THSD7B: variants seen among roughly 807,000 people sequenced by gnomAD.
THSD7B encodes thrombospondin type-1 domain-containing protein 7B.
In THSD7B, 138 loss-of-function variants were observed where a neutral mutation model predicts 213.6. The observed-to-expected ratio is 0.65, with a 90% CI of 0.56 to 0.74. THSD7B has a LOEUF of 0.74. Ranked by LOEUF, THSD7B falls within the 30% of genes least tolerant of loss-of-function variation. The pLI, the probability that THSD7B is intolerant of heterozygous loss-of-function variation, is 0.00. For synonymous variants in THSD7B, 742 were observed against 687.0 expected (o/e 1.08, Z -1.25); for missense variants, 1,931 against 1,991.5 (o/e 0.97, Z 0.58).
At chr2:136,883,522 G>A (rs1312154373) in intron 2 of THSD7B, among the ~76,000 whole-genome samples, 1 of 151,898 alleles carries the variant, frequency 6.6e-6, no homozygotes, top group Non-Finnish European at 1.5e-5. Flanking sequence ...TTTCCTTTCT[G>A]GGAATGGGGT....
chr2:136,838,075 T>A (rs947225404), intron 1 of THSD7B, among the ~76,000 whole-genome samples: 2 of 152,258 alleles, frequency 1.3e-5, no homozygotes, highest in African/African-American at 4.8e-5. Context: ...ATCATACATG[T>A]AGAGCTCTTG....
chr2:137,458,328 T>C lies in THSD7B; in HGVS notation c.3138+7305T>C, dbSNP rs142847163. 4.6e-5 allele frequency among the ~76,000 whole-genome samples: 7 copies of C among 152,304 alleles called. No homozygotes were observed. The East Asian group carries it at 1.4e-3, about 29-fold the overall frequency. On this transcript the variant is annotated intron_variant, in intron 15 of 27. Transcript: ENST00000409968. ...CTTGAGCATTCCAAAAAACTATTTTTATGAACTCTGCTTTTGACTGGTCTG... is the reference window on the plus strand; with the variant it reads ...CTTGAGCATTCCAAAAAACTATTTTCATGAACTCTGCTTTTGACTGGTCTG...
intron 2 of THSD7B, among the ~76,000 whole-genome samples, chr2:137,044,944 A>G (rs1157737361): frequency 1.3e-5 from 2 of 152,156 alleles, no homozygotes; most frequent in Admixed American, 1.3e-4. Context: ...AGTCTTCCTT[A>G]TGGGCTTAAT....
intron 17 of THSD7B, among the ~76,000 whole-genome samples, chr2:137,584,957 G>T (rs7368923): frequency 5.9e-5 from 9 of 151,892 alleles, no homozygotes; most frequent in African/African-American, 9.7e-5. Flanking sequence ...CTGTGAATCC[G>T]TCTGGTCCTG....
intron 2 of THSD7B, among the ~76,000 whole-genome samples, chr2:136,965,429 G>A (rs1403558035): frequency 1.3e-5 from 2 of 152,308 alleles, no homozygotes; most frequent in East Asian, 1.9e-4. Flanking sequence ...AAGTCCTCAC[G>A]AAGAAAATGG....
intron 17 of THSD7B, among the ~76,000 whole-genome samples, chr2:137,611,953 A>G (rs760695083): frequency 5.3e-5 from 8 of 152,188 alleles, no homozygotes; most frequent in Non-Finnish European, 1.2e-4. Context: ...CTTGCATTTA[A>G]TGTATTTTCA....
intron 27 of THSD7B, among the ~76,000 whole-genome samples, chr2:137,670,718 G>A (rs891786476): frequency 1.3e-5 from 2 of 151,924 alleles, no homozygotes; most frequent in African/African-American, 2.4e-5. Flanking sequence ...TCAGGAGATC[G>A]AGACCATCCT....
chr2:137,337,364 C>T (rs192327031), intron 12 of THSD7B, among the ~76,000 whole-genome samples: 201 of 152,138 alleles, frequency 1.3e-3, no homozygotes, highest in African/African-American at 4.5e-3. Context: ...TTTCACAGCA[C>T]GTTTCTCAGT....
chr2:137,056,779 C>T lies in THSD7B; in HGVS notation c.499C>T (p.Pro167Ser). The T allele has an allele frequency of 4.3e-6, 7 of 1,613,956 alleles. No individual in the cohort carries two copies. In the South Asian group the frequency reaches 6.6e-5, roughly 15 times the overall value. The stretch of plus-strand genomic sequence containing the variant: ...ATGCGAACACTTTGCCCTTCAGCCT[C>T]CTACAGAACAGGCTTGCCTCATTCC... ...EICEHFALQP[P>S]TEQACLIPCP... Residue 167 changes from proline to serine, a missense_variant, in exon 3 of 28, where the codon CCT becomes TCT. By Grantham distance (74) the Pro-to-Ser change is moderately conservative. Coordinates refer to ENST00000409968, the MANE Select transcript of THSD7B (RefSeq NM_001316349.2).
intron 2 of THSD7B, among the ~76,000 whole-genome samples, chr2:136,933,953 A>G (rs1684676547): frequency 6.6e-6 from 1 of 152,200 alleles, no homozygotes; most frequent in Non-Finnish European, 1.5e-5. Flanking sequence ...TGAGGTTCCC[A>G]AGCTAGAAGT....
intron 1 of THSD7B, among the ~76,000 whole-genome samples, chr2:136,871,250 T>G (rs1373073292): frequency 6.6e-6 from 1 of 152,012 alleles, no homozygotes; most frequent in Admixed American, 6.6e-5. Flanking sequence ...CGAAGTCAGG[T>G]TGAAGATAGG....
At chr2:137,237,793 A>C (rs772675107) in intron 9 of THSD7B, among the ~76,000 whole-genome samples, 2 of 152,258 alleles carry the variant, frequency 1.3e-5, no homozygotes, top group Non-Finnish European at 2.9e-5. Context: ...CAATGTGTAG[A>C]TAAAGAGGAA....
Position 137,230,386 on chromosome 2 carries a change from T to C in THSD7B, c.1724-658T>C, listed in dbSNP as rs185361274. Among the ~76,000 whole-genome samples the C allele has an allele frequency of 1.2e-3, 184 of 152,312 alleles. 1 individual carries two copies. The highest frequency in any genetic ancestry group is 4.2e-3 in the African/African-American group (174 of 41,556). ...CTTGACATCTGGTGTGTTTGTGCCA[T>C]ATTTTTGAGTACAGTTATTTTTTGG... On this transcript the variant is annotated intron_variant, in intron 7 of 27. Coordinates refer to ENST00000409968, the MANE Select transcript of THSD7B (RefSeq NM_001316349.2).
chr2:137,369,714 A>G (rs1355132791), intron 12 of THSD7B, among the ~76,000 whole-genome samples: 3 of 152,016 alleles, frequency 2.0e-5, no homozygotes, highest in Non-Finnish European at 4.4e-5. Flanking sequence ...TAACCATTGT[A>G]TTTCATCCTC....
intron 10 of THSD7B, among the ~76,000 whole-genome samples, chr2:137,260,839 A>T (rs1573917918): frequency 6.6e-6 from 1 of 152,316 alleles, no homozygotes; most frequent in Admixed American, 6.5e-5. Flanking sequence ...TTGGAAGCTA[A>T]TGTCTCCATC....
At chr2:137,480,125 C>T (rs1688273582) in intron 15 of THSD7B, among the ~76,000 whole-genome samples, 1 of 152,140 alleles carries the variant, frequency 6.6e-6, no homozygotes, top group African/African-American at 2.4e-5. Flanking sequence ...TCATTTCTCT[C>T]TTGAATCCCT....
intron 13 of THSD7B, among the ~76,000 whole-genome samples, chr2:137,408,139 A>C (rs1038942648): frequency 6.6e-6 from 1 of 152,070 alleles, no homozygotes; most frequent in African/African-American, 2.4e-5. Flanking sequence ...CCATTTCTGC[A>C]TTAACTTGCT....
intron 2 of THSD7B, among the ~76,000 whole-genome samples, chr2:136,960,786 C>G (rs903137111): frequency 2.6e-5 from 4 of 151,956 alleles, no homozygotes; most frequent in Non-Finnish European, 5.9e-5. Context: ...AAAACAATGA[C>G]ATGTTTGAAA....
At chr2:136,965,793 T>C (rs1558869938) in intron 2 of THSD7B, among the ~76,000 whole-genome samples, 1 of 152,176 alleles carries the variant, frequency 6.6e-6, no homozygotes, top group Admixed American at 6.5e-5. Context: ...AAACTTTCCC[T>C]TTAGGTTTTT....
Sources: gnomAD v4.1 joint callset for allele counts (sites outside exome capture counted in the v4.1 genomes callset) on GRCh38, gnomAD v4.1.1 for gene constraint, MANE v1.5 for transcripts, NCBI Gene and HGNC (gene_info 2026-07-23, HGNC 2026-07-21) for gene names.